SVOPL: variants seen among roughly 807,000 people sequenced by gnomAD.
The protein encoded by SVOPL is putative transporter SVOPL.
SVOPL carries 60 observed loss-of-function variants against 61.0 expected under a neutral mutation model. That is an observed-to-expected ratio of 0.98 (90% CI 0.80 to 1.22). The LOEUF (loss-of-function observed/expected upper bound fraction) is 1.22, where lower values mean the gene tolerates loss of function less well. Ranked by LOEUF, SVOPL falls within the 50% of genes most tolerant of loss-of-function variation. The probability of loss-of-function intolerance (pLI) is 0.00; values close to 1 mark genes in which losing one functional copy is unlikely to be tolerated. For missense variants in SVOPL, 662 were observed against 643.9 expected (o/e 1.03, Z -0.30); for synonymous variants, 279 against 250.0 (o/e 1.12, Z -1.09).
rs369135375 is a variant in SVOPL, at chr7:138,645,091, A to G, written c.661-246T>C. Among the ~76,000 whole-genome samples, 17 of 152,234 alleles carry G rather than the reference A, an allele frequency of 1.1e-4. No homozygotes were observed. The South Asian group carries it at 3.3e-3, about 30-fold the overall frequency. ...CAGGCTGATACTCAGTTTTGCACCA[A>G]TAGGGCCCAACCTAGTTGTTGACAT... is the stretch of plus-strand genomic sequence containing the variant. On this transcript the variant is annotated intron_variant, in intron 8 of 15. Transcript: ENST00000674285.
chr7:138,618,380 G>A (rs940709156), intron 14 of SVOPL, among the ~76,000 whole-genome samples: 1 of 151,964 alleles, frequency 6.6e-6, no homozygotes, highest in African/African-American at 2.4e-5. Context: ...AGGGTAGCAG[G>A]CTGGGCACGG....
chr7:138,638,651 A>C (rs1204317596), intron 9 of SVOPL, among the ~76,000 whole-genome samples: 1 of 79,484 alleles, frequency 1.3e-5, no homozygotes, highest in Non-Finnish European at 3.5e-5. Flanking sequence ...CTTAAGTTCA[A>C]AGAAAAAAAA....
intron 3 of SVOPL, among the ~76,000 whole-genome samples, chr7:138,673,536 T>A (rs1802482151): frequency 6.6e-6 from 1 of 151,922 alleles, no homozygotes; most frequent in Non-Finnish European, 1.5e-5. Context: ...GCACGCCTAC[T>A]CAGGAGGGTG....
At chr7:138,595,060 T>G (rs1466464813) in intron 15 of SVOPL, among the ~76,000 whole-genome samples, 1 of 152,122 alleles carries the variant, frequency 6.6e-6, no homozygotes, top group Non-Finnish European at 1.5e-5. Flanking sequence ...CTGGCCAATA[T>G]TCTCCTTCTA....
At chr7:138,597,183 T>TTGA in intron 14 of SVOPL, 1 of 1,289,162 alleles carries the variant, frequency 7.8e-7, no homozygotes, top group South Asian at 1.2e-5. Context: ...GTCTGTGTTC[T>TTGA]TGATAGTTCT....
intron 2 of SVOPL, 81 bp from the exon 3 acceptor site, chr7:138,678,606 C>T: frequency 7.2e-7 from 1 of 1,380,082 alleles, no homozygotes; most frequent in Non-Finnish European, 9.9e-7. Context: ...AGAAAGCCAA[C>T]CCATTATTAT....
At chr7:138,665,758 CAT>C (rs200668229) in intron 4 of SVOPL, among the ~76,000 whole-genome samples, 1,752 of 152,228 alleles carry the variant, frequency 0.012, 20 homozygotes, top group South Asian at 0.054. Flanking sequence ...TAGAATTAAA[CAT>C]AAAGTTATAG....
At chr7:138,691,277 G>A (rs1234320990) in intron 1 of SVOPL, among the ~76,000 whole-genome samples, 1 of 152,146 alleles carries the variant, frequency 6.6e-6, no homozygotes, top group African/African-American at 2.4e-5. Context: ...AAATCCTAGT[G>A]AGTTCATTCT....
intron 5 of SVOPL, chr7:138,661,570 C>A (rs1206192615): frequency 1.0e-6 from 1 of 985,084 alleles, no homozygotes; most frequent in Non-Finnish European, 1.2e-6. Context: ...GATAAATTAC[C>A]TAAAAGGTTA....
At chr7:138,691,072 G>A (rs919365194) in intron 1 of SVOPL, among the ~76,000 whole-genome samples, 1 of 152,270 alleles carries the variant, frequency 6.6e-6, no homozygotes, top group Non-Finnish European at 1.5e-5. Flanking sequence ...ACCGCACCCA[G>A]CCTGAATTGC....
intron 12 of SVOPL, among the ~76,000 whole-genome samples, chr7:138,626,640 G>T (rs1470855311): frequency 1.3e-5 from 2 of 152,034 alleles, no homozygotes; most frequent in Non-Finnish European, 2.9e-5. Flanking sequence ...TGATCCACCT[G>T]CCTCAGCCTC....
At position 138,603,689 on chromosome 7, in the gene SVOPL, A is replaced by G. The variant is rs1798623997; in HGVS notation, c.1354-7159T>C. 3.3e-5 allele frequency among the ~76,000 whole-genome samples: 5 copies of G among 152,140 alleles called. No individual in the cohort carries two copies. In the South Asian group the frequency reaches 1.0e-3, roughly 31 times the overall value. On this transcript the variant is annotated intron_variant, in intron 14 of 15. Coordinates refer to ENST00000674285, the MANE Select transcript of SVOPL (RefSeq NM_001139456.2). ...TCTGTCTAAAAAACAGATTAGATGA[A>G]GCATGAAATTTTACTATCTTGCACA... is the stretch of plus-strand genomic sequence containing the variant.
chr7:138,676,449 C>CA (rs113701550), intron 3 of SVOPL, among the ~76,000 whole-genome samples: 2,162 of 151,420 alleles, frequency 0.014, 59 homozygotes, highest in African/African-American at 0.051. Flanking sequence ...AGTGGAGGAA[C>CA]CACTGCGCTC....
intron 9 of SVOPL, among the ~76,000 whole-genome samples, chr7:138,638,203 G>T (rs1800590932): frequency 6.6e-6 from 1 of 150,696 alleles, no homozygotes; most frequent in African/African-American, 2.5e-5. Context: ...GACCCAGGAA[G>T]GGGAGGTTTC....
At chr7:138,699,558 A>T (rs1205247406) in intron 1 of SVOPL, among the ~76,000 whole-genome samples, 1 of 152,150 alleles carries the variant, frequency 6.6e-6, no homozygotes, top group Admixed American at 6.6e-5. Context: ...GGAAAATAAG[A>T]CCTCAAAACC....
chr7:138,654,404 T>A (rs551891738), intron 7 of SVOPL, among the ~76,000 whole-genome samples: 7 of 152,220 alleles, frequency 4.6e-5, no homozygotes, highest in Admixed American at 6.5e-5. Context: ...AAATAAATTG[T>A]TTAAATGATG....
chr7:138,677,599 T>C (rs1040601338), intron 3 of SVOPL, among the ~76,000 whole-genome samples: 2 of 152,164 alleles, frequency 1.3e-5, no homozygotes, highest in African/African-American at 4.8e-5. Context: ...CAGAGCTAGA[T>C]CTTTTTCTTC....
At chr7:138,689,224 G>A (rs1802885475) in intron 1 of SVOPL, 5 of 1,427,718 alleles carry the variant, frequency 3.5e-6, no homozygotes, top group Non-Finnish European at 4.9e-6. Flanking sequence ...ACACAAGGTT[G>A]GTGGCCCAAA....
chr7:138,686,501 T>C (rs115718317), intron 1 of SVOPL, among the ~76,000 whole-genome samples: 3,983 of 150,580 alleles, frequency 0.026, 99 homozygotes, highest in South Asian at 0.092. Context: ...CTGTAGTTCC[T>C]GTGGAGGCTT....
Sources: gnomAD v4.1 joint callset for allele counts (sites outside exome capture counted in the v4.1 genomes callset) on GRCh38, gnomAD v4.1.1 for gene constraint, MANE v1.5 for transcripts, NCBI Gene and HGNC (gene_info 2026-07-23, HGNC 2026-07-21) for gene names.